The following UBE3D variants were observed in gnomAD, a reference collection of about 807,000 sequenced individuals.
The protein encoded by UBE3D is ubiquitin protein ligase E3D.
Under a neutral mutation model 49.6 loss-of-function variants are expected in UBE3D, and 48 were observed. That is an observed-to-expected ratio of 0.97 (90% confidence interval 0.77 to 1.23). UBE3D has a LOEUF of 1.23. UBE3D is among the 50% of genes most tolerant of loss of function. The pLI is 0.00. For missense variants in UBE3D, 452 were observed against 468.4 expected (o/e 0.96, Z 0.32); for synonymous variants, 189 against 174.2 (o/e 1.08, Z -0.67).
chr6:82,992,236 T>C (rs1317742517), intron 8 of UBE3D, among the ~76,000 whole-genome samples: 1 of 147,120 alleles, frequency 6.8e-6, no homozygotes, highest in Non-Finnish European at 1.5e-5. Context: ...TTTTTTTTTT[T>C]TTTTGAGATG....
Position 82,989,306 on chromosome 6 carries a change from G to A in UBE3D, c.1010+29667C>T, listed in dbSNP as rs60928760. Among the ~76,000 whole-genome samples the A allele has an allele frequency of 8.4e-3, 1,273 of 152,030 alleles. 20 individuals carry two copies. The highest frequency in any genetic ancestry group is 0.028 in the African/African-American group (1,174 of 41,454). The stretch of plus-strand genomic sequence containing the variant: ...ATAGCCACTTCCTTAGACCAGGAGA[G>A]AAATTACTCCGATGGGGTTTGGGGA... On this transcript the variant is annotated intron_variant, in intron 8 of 9. Coordinates refer to ENST00000369747, the MANE Select transcript of UBE3D (RefSeq NM_198920.3).
chr6:83,057,109 T>C (rs1437840773), intron 2 of UBE3D, among the ~76,000 whole-genome samples: 2 of 152,164 alleles, frequency 1.3e-5, no homozygotes, highest in Non-Finnish European at 2.9e-5. Context: ...TCAAATTAAG[T>C]ATCAAACTCA....
chr6:82,970,577 C>T (rs928303553), intron 8 of UBE3D, among the ~76,000 whole-genome samples: 3 of 152,124 alleles, frequency 2.0e-5, no homozygotes, highest in Admixed American at 6.5e-5. Context: ...CTGTGGCTCA[C>T]GCCTGTAATC....
chr6:82,909,464 G>A (rs545831016), intron 9 of UBE3D, among the ~76,000 whole-genome samples: 7 of 152,312 alleles, frequency 4.6e-5, no homozygotes, highest in East Asian at 1.9e-4. Context: ...AGCCATTCAA[G>A]AGATATTATT....
At chr6:83,006,212 G>A (rs1039731103) in intron 8 of UBE3D, among the ~76,000 whole-genome samples, 1 of 152,068 alleles carries the variant, frequency 6.6e-6, no homozygotes. Context: ...GTGACAGAGT[G>A]AGACTCTGTT....
chr6:82,995,134 G>C (rs1010947570), intron 8 of UBE3D, among the ~76,000 whole-genome samples: 17 of 152,014 alleles, frequency 1.1e-4, no homozygotes, highest in African/African-American at 4.1e-4. Context: ...GGAAAGGGAA[G>C]AGGTCAGAGG....
At chr6:82,887,172 AT>A in the UBE3D span, among the ~76,000 whole-genome samples, 48,680 of 150,796 alleles carry the variant, frequency 0.32, 9,150 homozygotes, top group African/African-American at 0.51. Context: ...AAAATAAAAA[AT>A]AAAAGCTGGG....
chr6:83,049,133 A>G (rs1208132203), intron 3 of UBE3D, among the ~76,000 whole-genome samples: 1 of 152,210 alleles, frequency 6.6e-6, no homozygotes, highest in Non-Finnish European at 1.5e-5. Flanking sequence ...TGCCCCTTTA[A>G]TAGAGGCAAA....
intron 8 of UBE3D, among the ~76,000 whole-genome samples, chr6:82,992,920 A>C (rs1778991626): frequency 6.6e-6 from 1 of 152,058 alleles, no homozygotes; most frequent in African/African-American, 2.4e-5. Flanking sequence ...ATAATACTAG[A>C]TACAGATTAG....
chr6:83,062,955 A>C (rs1005849572), intron 1 of UBE3D, among the ~76,000 whole-genome samples: 6 of 152,230 alleles, frequency 3.9e-5, no homozygotes, highest in African/African-American at 1.4e-4. Context: ...CAAAATGTGA[A>C]AGCTAAAACG....
chr6:82,916,424 G>A (rs1383324982), intron 9 of UBE3D, among the ~76,000 whole-genome samples: 1 of 152,158 alleles, frequency 6.6e-6, no homozygotes, highest in Non-Finnish European at 1.5e-5. Context: ...GCAGCTGTAA[G>A]ACAACATAGA....
chr6:82,884,150 G>A, the UBE3D span, among the ~76,000 whole-genome samples: 5 of 152,192 alleles, frequency 3.3e-5, no homozygotes, highest in Non-Finnish European at 5.9e-5. Context: ...CTGGGGTGCA[G>A]GGAAACACCC....
intron 8 of UBE3D, among the ~76,000 whole-genome samples, chr6:82,988,180 C>T (rs1778650852): frequency 6.6e-6 from 1 of 152,180 alleles, no homozygotes; most frequent in South Asian, 2.1e-4. Context: ...ATATTTCAGA[C>T]ACGTTTCTTC....
At chr6:82,986,470 CAAAAAAAA>C (rs58841514) in intron 8 of UBE3D, among the ~76,000 whole-genome samples, 5 of 34,866 alleles carry the variant, frequency 1.4e-4, no homozygotes, top group Admixed American at 7.7e-4. Context: ...CACTCTGTCT[CAAAAAAAA>C]AAAAAAAAAA....
chr6:82,980,911 G>T (rs141489220), intron 8 of UBE3D, among the ~76,000 whole-genome samples: 1 of 151,786 alleles, frequency 6.6e-6, no homozygotes, highest in African/African-American at 2.4e-5. Context: ...TCTTCCATTG[G>T]TCTATGTGTC....
chr6:83,053,571 CA>C (rs1783613056), intron 3 of UBE3D, among the ~76,000 whole-genome samples: 1 of 152,032 alleles, frequency 6.6e-6, no homozygotes, highest in South Asian at 2.1e-4. Flanking sequence ...CCAAAAACAA[CA>C]ACAACAACGA....
At chr6:83,037,771 C>A (rs1185002913) in intron 5 of UBE3D, 1 of 152,116 alleles carries the variant, frequency 6.6e-6, no homozygotes, top group African/African-American at 2.4e-5. Context: ...TTTTAATTAT[C>A]AGGATTTTCA....
intron 5 of UBE3D, among the ~76,000 whole-genome samples, chr6:83,030,997 TG>T (rs1392127548): frequency 6.6e-6 from 1 of 152,144 alleles, no homozygotes; most frequent in Non-Finnish European, 1.5e-5. Context: ...TTAGGGTATC[TG>T]GTGGAAGAAA....
chr6:82,889,757 T>C (rs1770947926), downstream of UBE3D, among the ~76,000 whole-genome samples: 1 of 152,062 alleles, frequency 6.6e-6, no homozygotes, highest in African/African-American at 2.4e-5. Flanking sequence ...GTAAGCTCGA[T>C]GCGGGCAAGG....
Sources: gnomAD v4.1 joint callset for allele counts (sites outside exome capture counted in the v4.1 genomes callset) on GRCh38, gnomAD v4.1.1 for gene constraint, MANE v1.5 for transcripts, NCBI Gene and HGNC (gene_info 2026-07-23, HGNC 2026-07-21) for gene names.